Variants in TMTC1 observed in about 807,000 individuals in gnomAD.
TMTC1 encodes the protein transmembrane O-mannosyltransferase targeting cadherins 1.
In TMTC1, 73 loss-of-function variants were observed where a neutral mutation model predicts 104.8. The ratio of observed to expected loss-of-function variants is 0.70; its 90% CI spans 0.58 to 0.85. The LOEUF (loss-of-function observed/expected upper bound fraction) is 0.85. TMTC1 is among the 40% of genes least tolerant of loss of function. The pLI is 0.00. For missense variants in TMTC1, 1,035 were observed against 1,096.1 expected, an observed-to-expected ratio of 0.94 and a Z score of 0.79; for synonymous variants, 434 against 428.7, an observed-to-expected ratio of 1.01 and a Z score of -0.15.
intron 1 of TMTC1, among the ~76,000 whole-genome samples, chr12:29,780,415 TC>T (rs1943807575): frequency 6.6e-6 from 1 of 152,236 alleles, no homozygotes; most frequent in Non-Finnish European, 1.5e-5. Flanking sequence ...ACTATGTGAT[TC>T]CATTTATACA....
chr12:29,724,783 TG>T (rs141865737), intron 5 of TMTC1, among the ~76,000 whole-genome samples: 3,603 of 152,214 alleles, frequency 0.024, 63 homozygotes, highest in Non-Finnish European at 0.035. Flanking sequence ...CTGAGGATAC[TG>T]GGAAGAGAAT....
At chr12:29,643,912 T>TATAAATATATATAA (rs1035556154) in intron 5 of TMTC1, among the ~76,000 whole-genome samples, 4 of 109,130 alleles carry the variant, frequency 3.7e-5, no homozygotes, top group Non-Finnish European at 5.1e-5. Flanking sequence ...TAAAATTATA[T>TATAAATATATATAA]ATAAATATAT....
intron 5 of TMTC1, among the ~76,000 whole-genome samples, chr12:29,710,108 T>C (rs1209777889): frequency 6.6e-6 from 1 of 152,188 alleles, no homozygotes; most frequent in African/African-American, 2.4e-5. Flanking sequence ...AAACAATCAG[T>C]ACGTAGAGTC....
At chr12:29,520,855 A>G in intron 11 of TMTC1, 135 bp from the exon 12 acceptor site, 3 of 656,092 alleles carry the variant, frequency 4.6e-6, no homozygotes, top group Non-Finnish European at 7.7e-6. Context: ...CTACTGAGAT[A>G]AGGCACTATG....
chr12:29,501,318 C>G lies in TMTC1; in HGVS notation c.*5528G>C, dbSNP rs995439158. 6.6e-6 allele frequency: 1 copy of G among 152,188 alleles called. No individual in the cohort carries two copies. Among genetic ancestry groups the G allele is most frequent in the African/African-American group, 2.4e-5 (1 of 41,420 alleles). The allele number at this position is 152,188 out of a possible 1,614,324, so 9.4% of individuals were successfully genotyped here. A position where few individuals can be genotyped will look rare whatever the true frequency, so the allele number is the denominator to read the frequency against. ...GTTGTATCATTTAAAAAAGGGGCAA[C>G]ATTTATGAATTATCTCATCAGATGC... On this transcript the variant is annotated 3_prime_UTR_variant, in exon 18 of 18. Transcript: ENST00000539277.
chr12:29,623,531 G>A (rs1361303459), intron 6 of TMTC1, among the ~76,000 whole-genome samples: 1 of 152,196 alleles, frequency 6.6e-6, no homozygotes, highest in Non-Finnish European at 1.5e-5. Context: ...ATTAGTAAAA[G>A]AGGCCAGGAG....
chr12:29,583,044 T>C (rs1301506101), intron 8 of TMTC1, among the ~76,000 whole-genome samples: 1 of 152,230 alleles, frequency 6.6e-6, no homozygotes. Flanking sequence ...ACTGCATTTC[T>C]CTTCCCTCTG....
Position 29,583,318 on chromosome 12 carries a change from C to T in TMTC1, c.1418+89G>A, listed in dbSNP as rs971995874. The T allele has an allele frequency of 3.9e-6, 5 of 1,275,928 alleles. No individual in the cohort carries two copies. In the African/African-American group the frequency reaches 4.5e-5, roughly 12 times the overall value. 79.0% of individuals were successfully genotyped at this position (1,275,928 alleles called of 1,614,324 possible). On this transcript the variant is annotated intron_variant, in intron 8 of 17. Transcript: ENST00000539277. ...AGATAATTTTCCTTAGTAAATACTG[C>T]CAGGCCCATGTTACCTCATTTGTTT...
intron 9 of TMTC1, among the ~76,000 whole-genome samples, chr12:29,571,241 C>A (rs1565678694): frequency 6.6e-6 from 1 of 152,056 alleles, no homozygotes; most frequent in African/African-American, 2.4e-5. Context: ...CTTTATTTTG[C>A]CTACAATTGG....
intron 5 of TMTC1, among the ~76,000 whole-genome samples, chr12:29,700,340 C>A (rs528609024): frequency 1.3e-5 from 2 of 151,438 alleles, no homozygotes; most frequent in Admixed American, 1.3e-4. Flanking sequence ...TCACGCCATT[C>A]TCCTGCCTCA....
At chr12:29,742,472 C>T (rs1942852592) in intron 5 of TMTC1, among the ~76,000 whole-genome samples, 1 of 152,090 alleles carries the variant, frequency 6.6e-6, no homozygotes, top group African/African-American at 2.4e-5. Flanking sequence ...AAGTTATAAA[C>T]ATCATGGTTT....
At chr12:29,682,274 A>G (rs1212704093) in intron 5 of TMTC1, among the ~76,000 whole-genome samples, 1 of 152,224 alleles carries the variant, frequency 6.6e-6, no homozygotes, top group African/African-American at 2.4e-5. Context: ...AAGTCCAGAG[A>G]AACAGGATCT....
intron 10 of TMTC1, among the ~76,000 whole-genome samples, chr12:29,543,898 C>A (rs971225070): frequency 2.0e-5 from 3 of 152,090 alleles, no homozygotes; most frequent in Non-Finnish European, 4.4e-5. Context: ...ACAGAAGCCA[C>A]GTGGAACTGT....
intron 6 of TMTC1, among the ~76,000 whole-genome samples, chr12:29,613,083 A>C (rs1456818459): frequency 6.6e-6 from 1 of 152,198 alleles, no homozygotes; most frequent in African/African-American, 2.4e-5. Flanking sequence ...GTTTATGATG[A>C]ATTTTTCAGG....
At chr12:29,639,667 G>A (rs1394911974) in intron 5 of TMTC1, among the ~76,000 whole-genome samples, 3 of 152,296 alleles carry the variant, frequency 2.0e-5, no homozygotes, top group African/African-American at 4.8e-5. Context: ...TTTACCAAAA[G>A]ACATTTAGAA....
intron 5 of TMTC1, among the ~76,000 whole-genome samples, chr12:29,636,969 T>C (rs1378573962): frequency 2.0e-5 from 3 of 151,542 alleles, no homozygotes; most frequent in Non-Finnish European, 4.4e-5. Context: ...GTTGAGAGGA[T>C]GGATCACTTT....
chr12:29,612,127 G>A (rs769830443), intron 6 of TMTC1, among the ~76,000 whole-genome samples: 1 of 152,134 alleles, frequency 6.6e-6, no homozygotes, highest in Non-Finnish European at 1.5e-5. Flanking sequence ...TTAATGCCAA[G>A]TGTGGGGAGG....
rs116319416 is a variant in TMTC1 at position 29,567,793 on chromosome 12, A to G, written c.1532+4312T>C. ...TTAAAACATGTTCAAACTTCACCCC[A>G]AGCTGTGCCTTAGGGTCTGCCTTAT... On this transcript the variant is annotated intron_variant, in intron 9 of 17. Transcript: ENST00000539277. Among the ~76,000 whole-genome samples the G allele has an allele frequency of 5.4e-3, 817 of 152,316 alleles. 10 individuals are homozygous for G. The highest frequency in any genetic ancestry group is 0.018 in the African/African-American group (762 of 41,582).
chr12:29,510,146 T>G (rs1943792887), intron 17 of TMTC1, among the ~76,000 whole-genome samples: 1 of 152,206 alleles, frequency 6.6e-6, no homozygotes, highest in African/African-American at 2.4e-5. Context: ...TGAAATAGTT[T>G]ACTACTACAC....
Sources: allele counts gnomAD v4.1 joint callset (sites outside exome capture counted in the v4.1 genomes callset), GRCh38; gene constraint gnomAD v4.1.1; transcripts MANE v1.5; gene names NCBI Gene and HGNC (gene_info 2026-07-23, HGNC 2026-07-21).